The following CHD7 variants were observed in gnomAD, a reference collection of about 807,000 sequenced individuals.
The protein encoded by CHD7 is ATP-dependent chromatin remodeler CHD7.
CHD7 carries 24 observed loss-of-function variants against 307.3 expected under a neutral mutation model. The observed-to-expected ratio is 0.08, with a 90% CI of 0.06 to 0.11. The LOEUF (loss-of-function observed/expected upper bound fraction) is 0.11. Among genes scored for constraint, CHD7 ranks in the 10% least tolerant of loss-of-function variants. The pLI, the probability that CHD7 is intolerant of heterozygous loss-of-function variation, is 1.00. For synonymous variants in CHD7, 1,363 were observed against 1,349.9 expected (o/e 1.01, Z -0.21); for missense variants, 3,106 against 3,727.1 (o/e 0.83, Z 4.34).
intron 2 of CHD7, among the ~76,000 whole-genome samples, chr8:60,772,681 C>G (rs888668395): frequency 6.6e-6 from 1 of 152,058 alleles, no homozygotes; most frequent in South Asian, 2.1e-4. Flanking sequence ...GATTCTCATT[C>G]CTGTATAGTT....
intron 4 of CHD7, 38 bp from the exon 5 acceptor site, chr8:60,800,350 A>AT: frequency 6.2e-7 from 1 of 1,600,798 alleles, no homozygotes; most frequent in South Asian, 1.1e-5. Context: ...CTTTTTAATC[A>AT]TTAATTTCAA....
intron 2 of CHD7, among the ~76,000 whole-genome samples, chr8:60,759,085 G>A (rs1429773522): frequency 6.6e-6 from 1 of 152,100 alleles, no homozygotes. Context: ...TCCTGAAAGA[G>A]TCTCAGGGAC....
At chr8:60,854,836 G>C (rs1485912562) in intron 32 of CHD7, among the ~76,000 whole-genome samples, 1 of 152,130 alleles carries the variant, frequency 6.6e-6, no homozygotes, top group East Asian at 1.9e-4. Flanking sequence ...ATAATGTATG[G>C]ATTATCACTG....
chr8:60,775,708 A>G (rs991520121), intron 2 of CHD7, among the ~76,000 whole-genome samples: 12 of 152,188 alleles, frequency 7.9e-5, no homozygotes, highest in Admixed American at 5.9e-4. Context: ...TCCTCAGTCT[A>G]TTAAGGGCTT....
In CHD7 at chr8:60,744,231, A is replaced by C. The variant is rs141017355; in HGVS notation, c.1665+1134A>C. ...AGGTTGGAAAGTATCAGTCAGGGCC[A>C]GATTGTTGTGATCTTGGATTCCTTT... On this transcript the variant is annotated intron_variant, in intron 2 of 37. Coordinates refer to ENST00000423902, the MANE Select transcript of CHD7 (RefSeq NM_017780.4). Among the ~76,000 whole-genome samples the C allele has an allele frequency of 4.7e-3, 721 of 152,270 alleles. 2 individuals are homozygous for C. The highest frequency in any genetic ancestry group is 0.016 in the African/African-American group (679 of 41,550).
chr8:60,837,627 T>G (rs1364339964), intron 17 of CHD7, 41 bp from the exon 18 acceptor site: 1 of 1,463,276 alleles, frequency 6.8e-7, no homozygotes, highest in Non-Finnish European at 9.2e-7. Flanking sequence ...ACAGAAACAT[T>G]AGGTTCATTG....
intron 2 of CHD7, among the ~76,000 whole-genome samples, chr8:60,765,634 TG>T (rs1810437172): frequency 6.6e-6 from 1 of 152,198 alleles, no homozygotes; most frequent in Non-Finnish European, 1.5e-5. Flanking sequence ...AAAGTGCCTT[TG>T]TGCGGCTGCT....
chr8:60,850,533 G>A lies in CHD7; in HGVS notation c.5445G>A (p.Leu1815=), dbSNP rs745634107. ...ACTCCATGCGAGCTGACCCCGCGCT[G>A]TGCTTTCTGGAACGAGTCGGTATGC... ...KYNSMRADPA[L]CFLERVGMPD... is the part of the protein sequence containing the mutation. The change falls in exon 26 of 38, where the codon CTG becomes CTA. Residue 1815 remains leucine, a synonymous_variant. Transcript: ENST00000423902. 4 of 1,613,684 alleles carry A rather than the reference G, an allele frequency of 2.5e-6. No individual in the cohort carries two copies. Among genetic ancestry groups the A allele is most frequent in the Non-Finnish European group, 3.4e-6 (4 of 1,179,754 alleles).
intron 25 of CHD7, among the ~76,000 whole-genome samples, chr8:60,850,048 T>C (rs1361505013): frequency 6.6e-6 from 1 of 152,146 alleles, no homozygotes; most frequent in Non-Finnish European, 1.5e-5. Flanking sequence ...GCTGGCCTTA[T>C]GTATATGGGG....
At chr8:60,839,504 G>C (rs1334542203) in intron 19 of CHD7, among the ~76,000 whole-genome samples, 1 of 152,168 alleles carries the variant, frequency 6.6e-6, no homozygotes, top group Non-Finnish European at 1.5e-5. Flanking sequence ...GGAACTGCCA[G>C]ACTGTTTTGT....
At chr8:60,824,987 T>A (rs902760712) in intron 13 of CHD7, 7 of 152,240 alleles carry the variant, frequency 4.6e-5, no homozygotes, top group Non-Finnish European at 2.9e-5. Flanking sequence ...TTATTTTTAA[T>A]GTACATTTGG....
At chr8:60,729,886 T>C (rs1404023700) in intron 1 of CHD7, among the ~76,000 whole-genome samples, 2 of 152,236 alleles carry the variant, frequency 1.3e-5, no homozygotes, top group Non-Finnish European at 2.9e-5. Flanking sequence ...GTGTGATCTT[T>C]TTTCAAACTG....
Position 60,715,476 on chromosome 8 carries a change from C to T in CHD7, c.-174-25783C>T, listed in dbSNP as rs141280129. ...CTGGGATTACAGGCACCTGCCACCA[C>T]GCCCAGCTAATTTTTGTGTTTTAGT... On this transcript the variant is annotated intron_variant, in intron 1 of 37. Transcript: ENST00000423902. Among the ~76,000 whole-genome samples, 505 of 152,244 alleles carry T rather than the reference C, an allele frequency of 3.3e-3. 20 individuals are homozygous for T. In the East Asian group the frequency reaches 0.082, roughly 25 times the overall value.
At chr8:60,726,015 G>A (rs1206774694) in intron 1 of CHD7, among the ~76,000 whole-genome samples, 1 of 152,172 alleles carries the variant, frequency 6.6e-6, no homozygotes, top group Non-Finnish European at 1.5e-5. Context: ...AAGTACACAA[G>A]TTTACTACCA....
chr8:60,703,992 T>A, intron 1 of CHD7, among the ~76,000 whole-genome samples: 1 of 152,180 alleles, frequency 6.6e-6, no homozygotes, highest in East Asian at 1.9e-4. Context: ...TCTCCAGTGT[T>A]GCCCAGCTCC....
At chr8:60,693,932 A>C (rs979592109) in intron 1 of CHD7, among the ~76,000 whole-genome samples, 3 of 152,244 alleles carry the variant, frequency 2.0e-5, no homozygotes, top group African/African-American at 7.2e-5. Context: ...TGGTGGCACA[A>C]GCATCAGAGC....
intron 1 of CHD7, among the ~76,000 whole-genome samples, chr8:60,705,805 A>T (rs112313584): frequency 2.6e-5 from 4 of 152,366 alleles, no homozygotes; most frequent in African/African-American, 9.6e-5. Flanking sequence ...TTGGAATAAT[A>T]GATTTTTATA....
At chr8:60,843,366 G>A (rs1341151350) in intron 21 of CHD7, among the ~76,000 whole-genome samples, 4 of 152,230 alleles carry the variant, frequency 2.6e-5, no homozygotes, top group African/African-American at 9.6e-5. Context: ...ACAATCATCA[G>A]ATTTGAGAGT....
At chr8:60,864,893 TAGG>T in intron 37 of CHD7, 120 bp from the exon 38 acceptor site, 2 of 921,554 alleles carry the variant, frequency 2.2e-6, no homozygotes, top group Non-Finnish European at 3.2e-6. Flanking sequence ...ATTGAGCTGT[TAGG>T]AGGGAAGAAC....
Sources: gnomAD v4.1 joint callset for allele counts (sites outside exome capture counted in the v4.1 genomes callset) on GRCh38, gnomAD v4.1.1 for gene constraint, MANE v1.5 for transcripts, NCBI Gene and HGNC (gene_info 2026-07-23, HGNC 2026-07-21) for gene names.